VEGFD: variants seen among roughly 807,000 people sequenced by gnomAD.
VEGFD encodes c-fos induced growth factor (vascular endothelial growth factor D).
A neutral mutation model predicts 28.0 loss-of-function variants in VEGFD; 26 were observed. The ratio of observed to expected loss-of-function variants is 0.93; its 90% CI spans 0.68 to 1.29. The LOEUF is 1.29. Among genes scored for constraint, VEGFD ranks in the 50% most tolerant of loss-of-function variants. The probability of loss-of-function intolerance (pLI) is 0.00; values close to 1 mark genes in which losing one functional copy is unlikely to be tolerated. For synonymous variants in VEGFD, 93 were observed against 95.5 expected, an observed-to-expected ratio of 0.97 and a Z score of 0.15; for missense variants, 294 against 273.4, an observed-to-expected ratio of 1.08 and a Z score of -0.53.
intron 1 of VEGFD, among the ~76,000 whole-genome samples, chrX:15,369,248 T>C (rs911255936): frequency 9.0e-6 from 1 of 111,107 alleles, no homozygotes; most frequent in African/African-American, 3.3e-5. Context: ...ATTTCATCTC[T>C]CAATTTCCAG....
At chrX:15,381,980 C>G (rs1410805667) in intron 1 of VEGFD, among the ~76,000 whole-genome samples, 1 of 75,439 alleles carries the variant, frequency 1.3e-5, no homozygotes, top group East Asian at 5.0e-4. Flanking sequence ...CTTCGTTACT[C>G]CATTCAACAA....
At chrX:15,364,019 C>T (rs895458429) in intron 1 of VEGFD, among the ~76,000 whole-genome samples, 9 of 111,520 alleles carry the variant, frequency 8.1e-5, no homozygotes, top group Admixed American at 7.6e-4. Flanking sequence ...CCATAGGAAA[C>T]GAAAAGATGT....
chrX:15,382,944 G>A (rs533773706), intron 1 of VEGFD, among the ~76,000 whole-genome samples: 6 of 111,603 alleles, frequency 5.4e-5, no homozygotes, highest in Admixed American at 2.9e-4. Flanking sequence ...ACGTCTGTGC[G>A]TGATGTATCA....
At position 15,345,801 on chromosome X, in the gene VEGFD, T is replaced by C; in HGVS notation, c.*332A>G. The C allele has an allele frequency of 4.9e-6, 1 of 204,109 alleles. No individual in the cohort carries two copies. Among genetic ancestry groups the C allele is most frequent in the East Asian group, 1.0e-4 (1 of 9,807 alleles). 16.8% of individuals were successfully genotyped at this position (204,109 alleles called of 1,213,427 possible). ...GACTCAGAGACTACAGTTTTCCTCA[T>C]CTGCTCTGAGTAATCAGTCATATGA... On this transcript the variant is annotated 3_prime_UTR_variant, in exon 7 of 7. Coordinates refer to ENST00000297904, the MANE Select transcript of VEGFD (RefSeq NM_004469.5).
At chrX:15,374,207 A>G (rs1923379704) in intron 1 of VEGFD, among the ~76,000 whole-genome samples, 1 of 112,463 alleles carries the variant, frequency 8.9e-6, no homozygotes. Context: ...ATGACCCAAC[A>G]GTCCTACTTC....
chrX:15,371,092 T>C (rs993948130), intron 1 of VEGFD, among the ~76,000 whole-genome samples: 1 of 111,904 alleles, frequency 8.9e-6, no homozygotes, highest in Non-Finnish European at 1.9e-5. Flanking sequence ...GAAATGAGTT[T>C]GACAAAGTGG....
intron 6 of VEGFD, among the ~76,000 whole-genome samples, chrX:15,346,888 G>T (rs929058248): frequency 9.1e-6 from 1 of 110,131 alleles, no homozygotes; most frequent in East Asian, 2.8e-4. Context: ...CCCAGATCAC[G>T]CCACTGCACT....
chrX:15,379,679 G>A (rs1387780864), intron 1 of VEGFD, among the ~76,000 whole-genome samples: 1 of 112,095 alleles, frequency 8.9e-6, no homozygotes, highest in Non-Finnish European at 1.9e-5. Flanking sequence ...GCCTAGAAAT[G>A]TTCTCAGAAA....
Position 15,384,044 on chromosome X carries a change from C to A in VEGFD, c.-98G>T, listed in dbSNP as rs1923655472. ...CATTCTCCAGAAGGAAAGTTTGAAA[C>A]CTCAAAACTTCACACAGAAAACCAA... On this transcript the variant is annotated 5_prime_UTR_variant, in exon 1 of 7. Coordinates refer to ENST00000297904, the MANE Select transcript of VEGFD (RefSeq NM_004469.5). 2 of 581,803 alleles carry A rather than the reference C, an allele frequency of 3.4e-6. No homozygotes were observed. Among genetic ancestry groups the A allele is most frequent in the Non-Finnish European group, 5.8e-6 (2 of 345,971 alleles). The allele number at this position is 581,803 out of a possible 1,213,427, so 47.9% of individuals were successfully genotyped here.
In VEGFD at chrX:15,367,302, TG is replaced by T. The variant is rs1374153358; in HGVS notation, c.91-3984del. 5.3e-5 allele frequency among the ~76,000 whole-genome samples: 6 copies of T among 112,273 alleles called. No individual in the cohort carries two copies. The Admixed American group carries it at 5.6e-4, about 11-fold the overall frequency. On this transcript the variant is annotated intron_variant, in intron 1 of 6. Coordinates refer to ENST00000297904, the MANE Select transcript of VEGFD (RefSeq NM_004469.5). ...TAAAGTTTGAATCAAGGCAAAATTG[TG>T]GGAGTGAGAGGAGTGGGGAGCATGA... is the stretch of plus-strand genomic sequence containing the variant.
chrX:15,349,554 C>G (rs777891404), intron 5 of VEGFD, among the ~76,000 whole-genome samples: 3 of 111,884 alleles, frequency 2.7e-5, no homozygotes, highest in African/African-American at 9.8e-5. Flanking sequence ...AAAATAAATT[C>G]TTGAAATTGT....
chrX:15,355,313 G>C lies in VEGFD; in HGVS notation c.493-15C>G. 1 of 1,144,226 alleles carries C rather than the reference G, an allele frequency of 8.7e-7. No homozygotes were observed. Among genetic ancestry groups the C allele is most frequent in the Non-Finnish European group, 1.2e-6 (1 of 862,826 alleles). The allele number at this position is 1,144,226 out of a possible 1,213,427, so 94.3% of individuals were successfully genotyped here. A position where few individuals can be genotyped will look rare whatever the true frequency, so the allele number is the denominator to read the frequency against. On this transcript the variant is annotated splice_polypyrimidine_tract_variant and intron_variant, in intron 3 of 6. Transcript: ENST00000297904. ...ATCTCAAAGAGCTACAGCAGAGAAAGATAACCACAATATATTTTTTTAATT... is the reference window on the plus strand; with the variant it reads ...ATCTCAAAGAGCTACAGCAGAGAAACATAACCACAATATATTTTTTTAATT...
Position 15,363,108 on chromosome X carries a change from C to T in VEGFD, c.301+1G>A, listed in dbSNP as rs1278281588. 1 of 1,208,042 alleles carries T rather than the reference C, an allele frequency of 8.3e-7. No homozygotes were observed. The highest frequency in any genetic ancestry group is 1.8e-5 in the South Asian group (1 of 56,889). The stretch of plus-strand genomic sequence containing the variant: ...ATTTGTCTCCACATCCACACACCTA[C>T]CTTTTAGTGTTTCAATGTCATAGAA... On this transcript the variant is annotated splice_donor_variant, in intron 2 of 6. Transcript: ENST00000297904. LOFTEE classifies it high-confidence loss of function.
intron 5 of VEGFD, among the ~76,000 whole-genome samples, chrX:15,349,708 C>G (rs1922641611): frequency 8.9e-6 from 1 of 111,783 alleles, no homozygotes; most frequent in African/African-American, 3.3e-5. Context: ...TCTAACAAGA[C>G]TCAATTAAAT....
chrX:15,361,848 G>GTT (rs201494745), intron 2 of VEGFD, among the ~76,000 whole-genome samples: 2 of 109,501 alleles, frequency 1.8e-5, no homozygotes, highest in African/African-American at 6.8e-5. Context: ...TTCTTTCTTT[G>GTT]TTTTTTTGTT....
chrX:15,381,313 C>G (rs1363751953), intron 1 of VEGFD, among the ~76,000 whole-genome samples: 5 of 110,947 alleles, frequency 4.5e-5, no homozygotes, highest in Non-Finnish European at 9.4e-5. Context: ...CAATGCTAGT[C>G]TAAGCTGGAA....
chrX:15,380,783 A>T (rs1366943002), intron 1 of VEGFD, among the ~76,000 whole-genome samples: 3 of 112,760 alleles, frequency 2.7e-5, no homozygotes, highest in African/African-American at 9.7e-5. Context: ...CTTATTTACC[A>T]AATGTCCAGA....
intron 1 of VEGFD, among the ~76,000 whole-genome samples, chrX:15,373,230 G>A (rs1044472091): frequency 2.7e-5 from 3 of 112,043 alleles, no homozygotes; most frequent in Non-Finnish European, 5.6e-5. Context: ...TACCTAGCCG[G>A]TTCCAATGCT....
intron 2 of VEGFD, among the ~76,000 whole-genome samples, chrX:15,361,612 A>T (rs1029599909): frequency 2.0e-4 from 22 of 112,181 alleles, no homozygotes; most frequent in African/African-American, 7.1e-4. Flanking sequence ...AAAGAAAAAA[A>T]TAGTTTTGGC....
Sources: allele counts gnomAD v4.1 joint callset (sites outside exome capture counted in the v4.1 genomes callset), GRCh38; gene constraint gnomAD v4.1.1; transcripts MANE v1.5; gene names NCBI Gene and HGNC (gene_info 2026-07-23, HGNC 2026-07-21).